The following GATA6 variants were observed in gnomAD, a reference collection of about 807,000 sequenced individuals.
The protein encoded by GATA6 is GATA binding protein 6, also known as transcription factor GATA-6.
A neutral mutation model predicts 48.1 loss-of-function variants in GATA6; 11 were observed. That is an observed-to-expected ratio of 0.23 (90% CI 0.14 to 0.38). GATA6 has a LOEUF of 0.38. GATA6 is among the 10% of genes least tolerant of loss of function. The probability of loss-of-function intolerance (pLI) is 1.00; values close to 1 mark genes in which losing one functional copy is unlikely to be tolerated. For synonymous variants in GATA6, 419 were observed against 396.1 expected (o/e 1.06, Z -0.69); for missense variants, 795 against 850.3 (o/e 0.93, Z 0.81).
Position 22,182,956 on chromosome 18 carries a change from C to T in GATA6, c.1533C>T (p.Ser511=). ...CTGTTGCAGGTAATAGCAATAATTCCATTCCCATGACTCCAACTTCCACCT... is the reference window on the plus strand; with the variant it reads ...CTGTTGCAGGTAATAGCAATAATTCTATTCCCATGACTCCAACTTCCACCT... ...SKTCSGNSNN[S]IPMTPTSTSS... Residue 511 remains serine (S), a synonymous_variant, in exon 6 of 7, where the codon TCC becomes TCT. Coordinates refer to ENST00000269216, the MANE Select transcript of GATA6 (RefSeq NM_005257.6). 6.2e-7 allele frequency: 1 copy of T among 1,613,744 alleles called. No individual in the cohort carries two copies. The highest frequency in any genetic ancestry group is 8.5e-7 in the Non-Finnish European group (1 of 1,179,698).
chr18:22,175,045 G>A (rs967345624), intron 2 of GATA6, among the ~76,000 whole-genome samples: 3 of 152,118 alleles, frequency 2.0e-5, no homozygotes, highest in African/African-American at 4.8e-5. Flanking sequence ...CAAGGGCACC[G>A]CAAACAGCCA....
chr18:22,181,087 G>A (rs2033189678), intron 3 of GATA6, among the ~76,000 whole-genome samples: 1 of 152,116 alleles, frequency 6.6e-6, no homozygotes, highest in Non-Finnish European at 1.5e-5. Flanking sequence ...AGTAGTATCT[G>A]GGAAACTCTA....
chr18:22,185,073 C>T lies in GATA6; in HGVS notation c.1620+2030C>T, dbSNP rs373008446. Among the ~76,000 whole-genome samples the T allele has an allele frequency of 2.0e-5, 3 of 152,234 alleles. No homozygotes were observed. The highest frequency in any genetic ancestry group is 4.1e-4 in the South Asian group (2 of 4,826). ...TGGGTGGAGTCTTGTGATTTTGTGA[C>T]GTAAAATTTCAAAATTTGCTATTAG... On this transcript the variant is annotated intron_variant, in intron 6 of 6. Transcript: ENST00000269216. This position sits in a 1 kb window ranked among gnomAD's most constrained non-coding sequence, Gnocchi z 4.3.
intron 6 of GATA6, 158 bp from the exon 7 acceptor site, chr18:22,200,498 A>G: frequency 1.1e-6 from 1 of 880,614 alleles, no homozygotes; most frequent in Non-Finnish European, 1.9e-6. Context: ...GGCAGGGGAT[A>G]GTAACGCCGG....
chr18:22,200,445 G>C (rs1425816237), intron 6 of GATA6, among the ~76,000 whole-genome samples: 1 of 152,190 alleles, frequency 6.6e-6, no homozygotes, highest in Admixed American at 6.5e-5. Flanking sequence ...GGTCAGGTCA[G>C]TGGCACTGTG....
chr18:22,170,729 G>C lies in GATA6; in HGVS notation c.-37-379G>C, dbSNP rs2033022312. On this transcript the variant is annotated intron_variant, in intron 1 of 6. Transcript: ENST00000269216. The surrounding 1 kb of genome is among the most constrained non-coding windows in gnomAD (Gnocchi z 6.7). ...AATTCTTTTGTGTGTCATCAGCCCG[G>C]GGGAGACACTTTAGGGCGGAAGGAA... 6.6e-6 allele frequency among the ~76,000 whole-genome samples: 1 copy of C among 152,136 alleles called. No homozygotes were observed. Among genetic ancestry groups the C allele is most frequent in the African/African-American group, 2.4e-5 (1 of 41,444 alleles).
intron 6 of GATA6, among the ~76,000 whole-genome samples, chr18:22,188,183 T>TG (rs1204108571): frequency 6.6e-6 from 1 of 152,186 alleles, no homozygotes; most frequent in African/African-American, 2.4e-5. Flanking sequence ...TGAAGTTAAA[T>TG]GGAGAGAGAA....
At chr18:22,174,218 A>T (rs1372802959) in intron 2 of GATA6, among the ~76,000 whole-genome samples, 1 of 152,156 alleles carries the variant, frequency 6.6e-6, no homozygotes, top group Non-Finnish European at 1.5e-5. Flanking sequence ...GAGTTGGGTG[A>T]GGGGTAGTAT....
At chr18:22,199,835 G>A (rs983452993) in intron 6 of GATA6, among the ~76,000 whole-genome samples, 1 of 151,044 alleles carries the variant, frequency 6.6e-6, no homozygotes, top group Non-Finnish European at 1.5e-5. Context: ...CTCAGGAGAT[G>A]GAGGTTGCAC....
In GATA6 at chr18:22,171,675, A is replaced by G. The variant is rs1385413802; in HGVS notation, c.531A>G (p.Ala177=). ...GGFVHSAAAA[A]AAAAAASSPV... is the part of the protein sequence containing the mutation. ...TCGTGCACTCTGCGGCCGCGGCGGC[A>G]GCAGCCGCGGCGGCGGCCAGCTCCC... Residue 177 remains alanine (A), a synonymous_variant, in exon 2 of 7, where the codon GCA becomes GCG. Transcript: ENST00000269216. The surrounding 1 kb of genome is among the most constrained non-coding windows in gnomAD (Gnocchi z 7.1). 2.7e-6 allele frequency: 4 copies of G among 1,501,886 alleles called. 1 individual carries two copies. The South Asian group carries it at 5.0e-5, about 19-fold the overall frequency. 93.0% of individuals were successfully genotyped at this position (1,501,886 alleles called of 1,614,324 possible). A position where few individuals can be genotyped will look rare whatever the true frequency, so the allele number is the denominator to read the frequency against.
chr18:22,171,761 AG>A lies in GATA6; in HGVS notation c.621del (p.Ser208ArgfsTer86). ...CTGCCCGGCCTACCGTACCACCTGC[AG>A]GGGTCGGGCAGTGGGCCAGCCAACC... ...SMLPGLPYHL[Q>X]GSGSGPANHA... On this transcript the variant is annotated frameshift_variant, in exon 2 of 7. Coordinates refer to ENST00000269216, the MANE Select transcript of GATA6 (RefSeq NM_005257.6). LOFTEE classifies it high-confidence loss of function. The surrounding 1 kb of genome is among the most constrained non-coding windows in gnomAD (Gnocchi z 7.1). The A allele has an allele frequency of 7.0e-7, 1 of 1,423,002 alleles. No homozygotes were observed. Among genetic ancestry groups the A allele is most frequent in the Admixed American group, 3.2e-5 (1 of 30,860 alleles). 88.1% of individuals were successfully genotyped at this position (1,423,002 alleles called of 1,614,324 possible).
intron 3 of GATA6, among the ~76,000 whole-genome samples, chr18:22,181,042 T>C (rs975670855): frequency 6.6e-6 from 1 of 152,152 alleles, no homozygotes; most frequent in African/African-American, 2.4e-5. Flanking sequence ...TGGCCAACTT[T>C]TAGAAAATCT....
intron 4 of GATA6, among the ~76,000 whole-genome samples, chr18:22,182,140 G>A (rs952657219): frequency 1.2e-4 from 19 of 152,152 alleles, no homozygotes; most frequent in African/African-American, 4.6e-4. Flanking sequence ...TAGGAGGAAG[G>A]AAATACATGA....
At chr18:22,181,429 C>G (rs754123439) in intron 3 of GATA6, 24 bp from the exon 4 acceptor site, 3 of 1,613,684 alleles carry the variant, frequency 1.9e-6, no homozygotes, top group Non-Finnish European at 2.5e-6. Context: ...TATTTTTCCA[C>G]TTATGTTCTT....
At chr18:22,200,216 C>A (rs1230099544) in intron 6 of GATA6, among the ~76,000 whole-genome samples, 1 of 152,048 alleles carries the variant, frequency 6.6e-6, no homozygotes, top group Non-Finnish European at 1.5e-5. Context: ...CGCACGCATG[C>A]GTGCGCTCTG....
In GATA6 at chr18:22,172,816, C is replaced by T. The variant is rs1039885082; in HGVS notation, c.1135+537C>T. ...CTAGAGAAGGGTATTTAGAAGAGCA[C>T]AACAGAAGAACCTAGATGTTCCTAG... On this transcript the variant is annotated intron_variant, in intron 2 of 6. Coordinates refer to ENST00000269216, the MANE Select transcript of GATA6 (RefSeq NM_005257.6). The surrounding 1 kb of genome is among the most constrained non-coding windows in gnomAD (Gnocchi z 5.2). Among the ~76,000 whole-genome samples the T allele has an allele frequency of 6.6e-6, 1 of 152,196 alleles. No homozygotes were observed. Among genetic ancestry groups the T allele is most frequent in the African/African-American group, 2.4e-5 (1 of 41,444 alleles).
intron 6 of GATA6, among the ~76,000 whole-genome samples, chr18:22,188,766 C>A (rs535598197): frequency 6.6e-6 from 1 of 152,192 alleles, no homozygotes; most frequent in South Asian, 2.1e-4. Context: ...TTCCTCCTCA[C>A]AATTAGGGAG....
At chr18:22,177,811 C>G (rs2033142508) in intron 3 of GATA6, among the ~76,000 whole-genome samples, 2 of 152,090 alleles carry the variant, frequency 1.3e-5, no homozygotes, top group African/African-American at 4.8e-5. Flanking sequence ...TTGGATTGCC[C>G]TTGAGCCTGG....
chr18:22,192,525 T>C (rs1032090467), intron 6 of GATA6, among the ~76,000 whole-genome samples: 2 of 152,228 alleles, frequency 1.3e-5, no homozygotes, highest in Non-Finnish European at 2.9e-5. Flanking sequence ...TTCTGATACT[T>C]AGTACTTTCC....
Sources: gnomAD v4.1 joint callset for allele counts (sites outside exome capture counted in the v4.1 genomes callset) on GRCh38, gnomAD v4.1.1 for gene constraint, Gnocchi (gnomAD v3.1) non-coding constraint, MANE v1.5 for transcripts, NCBI Gene and HGNC (gene_info 2026-07-23, HGNC 2026-07-21) for gene names.